The following SGO2 variants were observed in gnomAD, a reference collection of about 807,000 sequenced individuals.
SGO2 encodes the protein shugoshin-like 2.
In SGO2, 68 loss-of-function variants were observed where a neutral mutation model predicts 99.5. That is an observed-to-expected ratio of 0.68 (90% CI 0.56 to 0.84). The LOEUF (loss-of-function observed/expected upper bound fraction) is 0.84, where lower values mean the gene tolerates loss of function less well. Among genes scored for constraint, SGO2 ranks in the 40% least tolerant of loss-of-function variants. The pLI is 0.00. For missense variants in SGO2, 1,350 were observed against 1,436.7 expected, an observed-to-expected ratio of 0.94 and a Z score of 0.97; for synonymous variants, 457 against 487.1, an observed-to-expected ratio of 0.94 and a Z score of 0.81.
At chr2:200,536,164 A>G (rs2031682759) in intron 4 of SGO2, 22 bp downstream of exon 4, 1 of 1,449,652 alleles carries the variant, frequency 6.9e-7, no homozygotes. Context: ...TTATATGTAA[A>G]TAGTGTTGTT....
intron 5 of SGO2, among the ~76,000 whole-genome samples, chr2:200,554,950 T>C (rs530886132): frequency 6.6e-6 from 1 of 152,316 alleles, no homozygotes; most frequent in Non-Finnish European, 1.5e-5. Context: ...AAACCTGTTA[T>C]GCTTTTATTC....
At chr2:200,536,657 G>A (rs1274677573) in intron 4 of SGO2, among the ~76,000 whole-genome samples, 1 of 152,160 alleles carries the variant, frequency 6.6e-6, no homozygotes, top group Non-Finnish European at 1.5e-5. Flanking sequence ...TGGACAGCAG[G>A]TAGATGGAGA....
intron 4 of SGO2, among the ~76,000 whole-genome samples, chr2:200,539,161 G>A (rs941620168): frequency 1.3e-5 from 2 of 151,956 alleles, no homozygotes; most frequent in African/African-American, 4.8e-5. Flanking sequence ...AGTGATAGTA[G>A]CTTTTTGTTG....
Position 200,575,354 on chromosome 2 carries a change from A to G in SGO2, c.3675A>G (p.Ser1225=). The change falls in exon 8 of 9, where the codon TCA becomes TCG. Residue 1225 remains serine, a synonymous_variant. Coordinates refer to ENST00000357799, the MANE Select transcript of SGO2 (RefSeq NM_152524.6). ...ACTTGTCAAATACCAGTTTTGTTTCAAATAACACTGCTGAATCTGAAAATA... is the reference window on the plus strand; with the variant it reads ...ACTTGTCAAATACCAGTTTTGTTTCGAATAACACTGCTGAATCTGAAAATA... ...LQDLSNTSFV[S]NNTAESENKS... The G allele has an allele frequency of 6.2e-7, 1 of 1,607,590 alleles. No individual in the cohort carries two copies.
At chr2:200,541,584 T>C (rs988567012) in intron 4 of SGO2, among the ~76,000 whole-genome samples, 7 of 152,200 alleles carry the variant, frequency 4.6e-5, no homozygotes, top group African/African-American at 1.7e-4. Context: ...ACTTTATTTT[T>C]TTCCTGAGTC....
chr2:200,557,525 C>T (rs1283541242), intron 5 of SGO2, among the ~76,000 whole-genome samples: 27 of 152,104 alleles, frequency 1.8e-4, no homozygotes, highest in Admixed American at 1.8e-3. Flanking sequence ...GTTCTTGGAT[C>T]TCACACAAGA....
intron 5 of SGO2, among the ~76,000 whole-genome samples, chr2:200,545,037 C>T (rs1173806457): frequency 6.6e-6 from 1 of 152,086 alleles, no homozygotes; most frequent in Non-Finnish European, 1.5e-5. Context: ...GGCAAGGTCT[C>T]ACTTTGTCAC....
intron 5 of SGO2, among the ~76,000 whole-genome samples, chr2:200,551,185 T>C (rs971052583): frequency 2.6e-5 from 4 of 152,060 alleles, no homozygotes; most frequent in Admixed American, 2.6e-4. Context: ...CACTCCCATG[T>C]TTATTGCAGC....
intron 4 of SGO2, among the ~76,000 whole-genome samples, chr2:200,541,965 GT>G (rs2031983782): frequency 3.3e-5 from 5 of 151,774 alleles, no homozygotes; most frequent in African/African-American, 1.2e-4. Context: ...CTTTTTCAAA[GT>G]TTTCTTTGTT....
At chr2:200,547,858 G>A (rs1035190863) in intron 5 of SGO2, among the ~76,000 whole-genome samples, 5 of 151,960 alleles carry the variant, frequency 3.3e-5, no homozygotes, top group East Asian at 1.9e-4. Flanking sequence ...AGCTGTACTC[G>A]TAGCAGATAA....
intron 1 of SGO2, among the ~76,000 whole-genome samples, chr2:200,530,800 T>G (rs999340672): frequency 2.0e-5 from 3 of 152,212 alleles, no homozygotes; most frequent in Non-Finnish European, 4.4e-5. Flanking sequence ...GAATTGACTA[T>G]TAGATTTAGC....
rs773233021 is a variant in SGO2, at chr2:200,571,515, C to A, written c.1169C>A (p.Thr390Lys). Residue 390 changes from threonine to lysine, a missense_variant, in exon 7 of 9, where the codon ACA (threonine) becomes AAA (lysine). Thr to Lys is a moderately conservative substitution (Grantham distance 78). Transcript: ENST00000357799. The stretch of plus-strand genomic sequence containing the variant: ...ATTAAAAAGAAAAGTAATAAAAAAA[C>A]AAATGAACATGGAATGAAAACTTTC... The part of the protein sequence containing the change: ...TGIKKKSNKK[T>K]NEHGMKTFRK... 6.2e-7 allele frequency: 1 copy of A among 1,611,012 alleles called. No homozygotes were observed. Among genetic ancestry groups the A allele is most frequent in the South Asian group, 1.1e-5 (1 of 90,266 alleles).
chr2:200,553,237 T>C (rs908220475), intron 5 of SGO2, among the ~76,000 whole-genome samples: 1 of 152,156 alleles, frequency 6.6e-6, no homozygotes. Flanking sequence ...AGGAGTACAA[T>C]AGCAATATAT....
At chr2:200,555,032 T>C (rs1182779720) in intron 5 of SGO2, among the ~76,000 whole-genome samples, 1 of 152,190 alleles carries the variant, frequency 6.6e-6, no homozygotes, top group Non-Finnish European at 1.5e-5. Context: ...TTTTACAAGA[T>C]TAATTTTTCA....
At chr2:200,529,237 T>C (rs2031247042) in intron 1 of SGO2, among the ~76,000 whole-genome samples, 1 of 152,238 alleles carries the variant, frequency 6.6e-6, no homozygotes, top group African/African-American at 2.4e-5. Flanking sequence ...ACACATGCCA[T>C]TCTTTCTTCC....
chr2:200,533,547 G>GTGTGTGTATA (rs1396628320), intron 2 of SGO2, among the ~76,000 whole-genome samples: 2,727 of 143,028 alleles, frequency 0.019, 36 homozygotes, highest in South Asian at 0.064. Flanking sequence ...GTGTGTGTGT[G>GTGTGTGTATA]TATACATGTG....
rs1224583369 is a variant in SGO2 at position 200,573,746 on chromosome 2, A to G, written c.3400A>G (p.Lys1134Glu). 6.2e-6 allele frequency: 10 copies of G among 1,611,888 alleles called. No individual in the cohort carries two copies. The highest frequency in any genetic ancestry group is 8.5e-6 in the Non-Finnish European group (10 of 1,179,144). ...MVKNKPDFYT[K>E]AFRSLSEIHS... ...CAAAAATAAGCCAGACTTTTACACA[A>G]AGGCATTTAGATCTTTGTCTGAGAT... Residue 1134 changes from lysine to glutamate, a missense_variant, in exon 7 of 9, where the codon AAG (lysine) becomes GAG (glutamate). Coordinates refer to ENST00000357799, the MANE Select transcript of SGO2 (RefSeq NM_152524.6).
chr2:200,583,036 G>A (rs1300128764), intron 8 of SGO2, among the ~76,000 whole-genome samples: 1 of 152,114 alleles, frequency 6.6e-6, no homozygotes, highest in African/African-American at 2.4e-5. Flanking sequence ...CCTTTTTGGG[G>A]GAGGAGAGGG....
chr2:200,538,535 C>T (rs2106310350), intron 4 of SGO2, among the ~76,000 whole-genome samples: 1 of 152,216 alleles, frequency 6.6e-6, no homozygotes, highest in East Asian at 1.9e-4. Flanking sequence ...ATTGTTCATC[C>T]CATCAGAATG....
Sources: allele counts gnomAD v4.1 joint callset (sites outside exome capture counted in the v4.1 genomes callset), GRCh38; gene constraint gnomAD v4.1.1; transcripts MANE v1.5; gene names NCBI Gene and HGNC (gene_info 2026-07-23, HGNC 2026-07-21).